UBTD2: variants seen among roughly 807,000 people sequenced by gnomAD.
UBTD2 encodes the protein ubiquitin domain containing 2, also known as ubiquitin domain-containing protein 2.
A neutral mutation model predicts 19.8 loss-of-function variants in UBTD2; 9 were observed. The observed-to-expected ratio is 0.46, with a 90% CI of 0.27 to 0.79. UBTD2 has a LOEUF of 0.79. UBTD2 is among the 30% of genes least tolerant of loss of function. The pLI is 0.14. For synonymous variants in UBTD2, 98 were observed against 103.9 expected (o/e 0.94, Z 0.35); for missense variants, 250 against 300.4 (o/e 0.83, Z 1.24).
chr5:172,273,590 CAAAAAAAAAAAAAAA>C (rs35687001), intron 1 of UBTD2, among the ~76,000 whole-genome samples: 10,280 of 36,456 alleles, frequency 0.28, 556 homozygotes, highest in Middle Eastern at 0.43. Context: ...GACTCCGTCT[CAAAAAAAAAAAAAAA>C]AAAAAAAAAA....
intron 1 of UBTD2, among the ~76,000 whole-genome samples, chr5:172,260,749 T>C (rs1181061964): frequency 6.6e-6 from 1 of 152,216 alleles, no homozygotes. Flanking sequence ...GTACTGGGTA[T>C]CATTTTATTG....
intron 1 of UBTD2, among the ~76,000 whole-genome samples, chr5:172,236,661 T>G (rs1772015310): frequency 6.6e-6 from 1 of 152,230 alleles, no homozygotes; most frequent in African/African-American, 2.4e-5. Context: ...GATGGCACAG[T>G]AAGCAGGTAG....
At chr5:172,221,067 T>C (rs777608900) in intron 2 of UBTD2, among the ~76,000 whole-genome samples, 4 of 152,130 alleles carry the variant, frequency 2.6e-5, no homozygotes, top group Non-Finnish European at 5.9e-5. Flanking sequence ...GTATAAGATA[T>C]GAAACAACAA....
chr5:172,260,590 C>T (rs1755247172), intron 1 of UBTD2, among the ~76,000 whole-genome samples: 1 of 152,174 alleles, frequency 6.6e-6, no homozygotes, highest in South Asian at 2.1e-4. Flanking sequence ...TAACCTATTC[C>T]TACCCTACAA....
At chr5:172,255,707 C>T (rs1431728972) in intron 1 of UBTD2, among the ~76,000 whole-genome samples, 2 of 152,154 alleles carry the variant, frequency 1.3e-5, no homozygotes, top group East Asian at 1.9e-4. Context: ...CGGCGCCGCT[C>T]GCTCAGCAAG....
At chr5:172,220,869 T>C (rs1195412639) in intron 2 of UBTD2, among the ~76,000 whole-genome samples, 1 of 152,058 alleles carries the variant, frequency 6.6e-6, no homozygotes, top group East Asian at 1.9e-4. Context: ...ATGTAAAAAA[T>C]ATGAAGAATC....
At chr5:172,246,440 G>GTTTTT (rs1754884020) in intron 1 of UBTD2, among the ~76,000 whole-genome samples, 1 of 112,806 alleles carries the variant, frequency 8.9e-6, no homozygotes, top group Non-Finnish European at 1.7e-5. Context: ...CATTGAGATT[G>GTTTTT]CTTTTTTTTT....
chr5:172,212,274 C>A (rs1337460988), intron 2 of UBTD2, 47 bp from the exon 3 acceptor site: 2 of 1,529,240 alleles, frequency 1.3e-6, no homozygotes, highest in Admixed American at 4.2e-5. Context: ...TTAATGAATG[C>A]ATTTTTGTTT....
At chr5:172,214,459 G>T (rs894943615) in intron 2 of UBTD2, among the ~76,000 whole-genome samples, 3 of 152,164 alleles carry the variant, frequency 2.0e-5, no homozygotes, top group Non-Finnish European at 4.4e-5. Context: ...TTGTAGAAAT[G>T]GATCTACTTC....
intron 1 of UBTD2, among the ~76,000 whole-genome samples, chr5:172,246,433 T>G (rs1754883705): frequency 6.9e-6 from 1 of 144,430 alleles, no homozygotes. Flanking sequence ...AGAAACACAT[T>G]GAGATTGCTT....
intron 1 of UBTD2, among the ~76,000 whole-genome samples, chr5:172,269,468 G>A (rs1755442403): frequency 1.3e-5 from 2 of 149,880 alleles, no homozygotes; most frequent in Non-Finnish European, 3.0e-5. Context: ...TCCGGTCTGG[G>A]CAACAGAGTG....
rs1230439893 is a variant in UBTD2, at chr5:172,283,136, G to A, written c.70+460C>T. On this transcript the variant is annotated intron_variant, in intron 1 of 2. Coordinates refer to ENST00000393792, the MANE Select transcript of UBTD2 (RefSeq NM_152277.3). This position sits in a 1 kb window ranked among gnomAD's most constrained non-coding sequence, Gnocchi z 4.3. ...GGGGCAGCTGTCATCTGAAACTCAG[G>A]AAAGCTGAGACCAGCCAACTCCACA... is the stretch of plus-strand genomic sequence containing the variant. Among the ~76,000 whole-genome samples, 2 of 152,202 alleles carry A rather than the reference G, an allele frequency of 1.3e-5. No individual in the cohort carries two copies. Among genetic ancestry groups the A allele is most frequent in the African/African-American group, 4.8e-5 (2 of 41,450 alleles).
intron 1 of UBTD2, among the ~76,000 whole-genome samples, chr5:172,258,367 T>A (rs534026276): frequency 6.6e-6 from 1 of 152,256 alleles, no homozygotes; most frequent in Non-Finnish European, 1.5e-5. Flanking sequence ...TTTGTACCAG[T>A]ACCATGCTGT....
At chr5:172,267,904 G>A (rs1755408007) in intron 1 of UBTD2, among the ~76,000 whole-genome samples, 1 of 152,202 alleles carries the variant, frequency 6.6e-6, no homozygotes, top group Non-Finnish European at 1.5e-5. Context: ...CGGAAGATGA[G>A]TGGAACACTC....
intron 1 of UBTD2, among the ~76,000 whole-genome samples, chr5:172,266,118 A>G: frequency 6.6e-6 from 1 of 151,884 alleles, no homozygotes; most frequent in Non-Finnish European, 1.5e-5. Context: ...TTTAGTAGAG[A>G]TGAGGTTTCA....
At chr5:172,256,979 T>C (rs964388957) in intron 1 of UBTD2, among the ~76,000 whole-genome samples, 8 of 151,954 alleles carry the variant, frequency 5.3e-5, no homozygotes, top group Non-Finnish European at 1.2e-4. Flanking sequence ...TGATGAATTC[T>C]TTTTTTTCTT....
chr5:172,278,520 GAA>G lies in UBTD2; in HGVS notation c.70+5074_70+5075del, dbSNP rs35402919. ...GGCAGAGTGAGACTCTGCCTCAGGG[GAA>G]AAAAAAAAAAAAGCGGTATATACAT... is the stretch of plus-strand genomic sequence containing the variant. On this transcript the variant is annotated intron_variant, in intron 1 of 2. Coordinates refer to ENST00000393792, the MANE Select transcript of UBTD2 (RefSeq NM_152277.3). Among the ~76,000 whole-genome samples, 531 of 132,944 alleles carry G rather than the reference GAA, an allele frequency of 4.0e-3. 1 individual carries two copies. Among genetic ancestry groups the G allele is most frequent in the African/African-American group, 7.2e-3 (257 of 35,888 alleles). The allele number at this position is 132,944 out of a possible 152,430, so 87.2% of individuals were successfully genotyped here.
At chr5:172,230,059 A>G (rs929136576) in intron 2 of UBTD2, among the ~76,000 whole-genome samples, 2 of 152,328 alleles carry the variant, frequency 1.3e-5, no homozygotes, top group African/African-American at 4.8e-5. Flanking sequence ...GGAAAACTGA[A>G]AGGTATCAGG....
chr5:172,240,160 TCTAATCTACCA>T (rs1772097523), intron 1 of UBTD2, among the ~76,000 whole-genome samples: 1 of 152,190 alleles, frequency 6.6e-6, no homozygotes, highest in Non-Finnish European at 1.5e-5. Flanking sequence ...CCTAGCCCTA[TCTAATCTACCA>T]CTTAATCTAT....
Sources: allele counts gnomAD v4.1 joint callset (sites outside exome capture counted in the v4.1 genomes callset), GRCh38; gene constraint gnomAD v4.1.1; non-coding constraint Gnocchi (gnomAD v3.1); transcripts MANE v1.5; gene names NCBI Gene and HGNC (gene_info 2026-07-23, HGNC 2026-07-21).